ITGA11: variants seen among roughly 807,000 people sequenced by gnomAD.
ITGA11 encodes integrin alpha-11.
In ITGA11, 97 loss-of-function variants were observed where a neutral mutation model predicts 141.9. That is an observed-to-expected ratio of 0.68 (90% confidence interval 0.58 to 0.81). The LOEUF is 0.81. Ranked by LOEUF, ITGA11 falls within the 30% of genes least tolerant of loss-of-function variation. The probability of loss-of-function intolerance (pLI) is 0.00; values close to 1 mark genes in which losing one functional copy is unlikely to be tolerated. For missense variants in ITGA11, 1,387 were observed against 1,559.2 expected (o/e 0.89, Z 1.86); for synonymous variants, 658 against 624.6 (o/e 1.05, Z -0.80).
chr15:68,310,940 G>T, intron 26 of ITGA11, 54 bp downstream of exon 26: 2 of 1,383,358 alleles, frequency 1.4e-6, no homozygotes, highest in Non-Finnish European at 1.0e-6. Flanking sequence ...GCAGAGCACC[G>T]GCGGCACGCC....
chr15:68,375,418 G>T (rs1282322810), intron 2 of ITGA11, among the ~76,000 whole-genome samples: 4 of 152,206 alleles, frequency 2.6e-5, no homozygotes, highest in Admixed American at 2.6e-4. Context: ...GAGTTTGGTG[G>T]CTAATGGGTT....
rs922913933 is a variant in ITGA11 at position 68,411,971 on chromosome 15, C to T, written c.53-8942G>A. On this transcript the variant is annotated intron_variant, in intron 1 of 29. Coordinates refer to ENST00000315757, the MANE Select transcript of ITGA11 (RefSeq NM_001004439.2). ...CCAACCTAGCTGAGGTCAGCACCCC[C>T]AAACTCACAAGCAAGCCCAGTGAGC... Among the ~76,000 whole-genome samples, 3 of 152,046 alleles carry T rather than the reference C, an allele frequency of 2.0e-5. No individual in the cohort carries two copies. The East Asian group carries it at 5.8e-4, about 29-fold the overall frequency.
chr15:68,383,796 T>C (rs1158792804), intron 2 of ITGA11, among the ~76,000 whole-genome samples: 1 of 152,170 alleles, frequency 6.6e-6, no homozygotes, highest in African/African-American at 2.4e-5. Flanking sequence ...TCTCCTTCAC[T>C]GGACTTAGGA....
intron 22 of ITGA11, among the ~76,000 whole-genome samples, chr15:68,314,142 G>A (rs113650185): frequency 0.077 from 11,760 of 152,276 alleles, 628 homozygotes; most frequent in African/African-American, 0.16. Flanking sequence ...GGCACGGACT[G>A]GACCCCAGCC....
rs1480551260 is a variant in ITGA11 at position 68,311,410 on chromosome 15, C to T, written c.2974-7G>A. 6.5e-7 allele frequency: 1 copy of T among 1,543,130 alleles called. No individual in the cohort carries two copies. Among genetic ancestry groups the T allele is most frequent in the East Asian group, 2.4e-5 (1 of 41,438 alleles). ...ACAAGCCCAAGTTCTGGATCTGTGG[C>T]CAGAGACAGGGAGGTGTCAGTACAG... On this transcript the variant is annotated splice_polypyrimidine_tract_variant and splice_region_variant and intron_variant, in intron 24 of 29. Transcript: ENST00000315757.
Position 68,325,367 on chromosome 15 carries a change from G to T in ITGA11, c.2212-126C>A. On this transcript the variant is annotated intron_variant, in intron 17 of 29. Transcript: ENST00000315757. This position sits in a 1 kb window ranked among gnomAD's most constrained non-coding sequence, Gnocchi z 5.5. ...GCAGGGCAGCTGCCCTGTGCCCTCA[G>T]GGTGAGTCTGCAGGTGGATGGAGGT... 1 of 679,424 alleles carries T rather than the reference G, an allele frequency of 1.5e-6. No individual in the cohort carries two copies. Among genetic ancestry groups the T allele is most frequent in the Non-Finnish European group, 2.7e-6 (1 of 374,688 alleles). 42.1% of individuals were successfully genotyped at this position (679,424 alleles called of 1,614,324 possible).
chr15:68,409,134 C>T (rs1896711632), intron 1 of ITGA11, among the ~76,000 whole-genome samples: 1 of 152,114 alleles, frequency 6.6e-6, no homozygotes, highest in Non-Finnish European at 1.5e-5. Flanking sequence ...TTCACCATGC[C>T]TGGAAGGCCT....
intron 2 of ITGA11, among the ~76,000 whole-genome samples, chr15:68,387,527 G>A (rs943822786): frequency 6.6e-6 from 1 of 152,184 alleles, no homozygotes; most frequent in Admixed American, 6.5e-5. Flanking sequence ...AGGGATGCAC[G>A]CTAAGGTTTG....
intron 21 of ITGA11, 84 bp downstream of exon 21, chr15:68,317,181 T>A: frequency 2.2e-6 from 2 of 928,668 alleles, no homozygotes; most frequent in South Asian, 1.3e-5. Context: ...GTGTTCACTC[T>A]TGTTGCTCTT....
chr15:68,331,710 T>G (rs1894162099), intron 14 of ITGA11, 149 bp downstream of exon 14: 1 of 705,114 alleles, frequency 1.4e-6, no homozygotes, highest in South Asian at 1.9e-5. Flanking sequence ...AATTTCCACT[T>G]GGGGAAGCAT....
chr15:68,432,045 C>G lies in ITGA11; in HGVS notation c.22G>C (p.Val8Leu). The G allele has an allele frequency of 7.4e-7, 1 of 1,348,590 alleles. No individual in the cohort carries two copies. The highest frequency in any genetic ancestry group is 2.1e-5 in the South Asian group (1 of 47,484). The allele number at this position is 1,348,590 out of a possible 1,614,324, so 83.5% of individuals were successfully genotyped here. Residue 8 changes from valine to leucine, a missense_variant, in exon 1 of 30, where the codon GTG becomes CTG. Val to Leu is a conservative substitution (Grantham distance 32). Coordinates refer to ENST00000315757, the MANE Select transcript of ITGA11 (RefSeq NM_001004439.2). ...CACAGGCTGAGCGCCCAGGCCACCA[C>G]CAGGCCCCTGGGCAGGTCCATGGCC... MDLPRGL[V>L]VAWALSLWPG... is the part of the protein sequence containing the mutation.
At chr15:68,396,115 C>A (rs933309855) in intron 2 of ITGA11, among the ~76,000 whole-genome samples, 1 of 152,102 alleles carries the variant, frequency 6.6e-6, no homozygotes, top group Admixed American at 6.6e-5. Flanking sequence ...CAATATATCT[C>A]ATGAAACAAA....
chr15:68,345,159 C>T (rs1894704681), intron 10 of ITGA11, among the ~76,000 whole-genome samples: 1 of 152,148 alleles, frequency 6.6e-6, no homozygotes. Flanking sequence ...AGCAGACAGC[C>T]AGCACTAATG....
In ITGA11 at chr15:68,303,125, G is replaced by C; in HGVS notation, c.3501C>G (p.Gly1167=). The C allele has an allele frequency of 6.4e-7, 1 of 1,551,416 alleles. No homozygotes were observed. The change falls in exon 30 of 30, where the codon GGC becomes GGG. Residue 1167 remains glycine, a synonymous_variant. Coordinates refer to ENST00000315757, the MANE Select transcript of ITGA11 (RefSeq NM_001004439.2). The surrounding 1 kb of genome is among the most constrained non-coding windows in gnomAD (Gnocchi z 5.3). The part of the protein sequence containing the change: ...ALLVLALWKL[G]FFRSARRRRE... ...TCCTGCGCCTGGCACTTCTAAAGAAGCCGAGCTGTGAGGAGGCAAAGGGAG... is the reference window on the plus strand; with the variant it reads ...TCCTGCGCCTGGCACTTCTAAAGAACCCGAGCTGTGAGGAGGCAAAGGGAG...
intron 15 of ITGA11, among the ~76,000 whole-genome samples, chr15:68,329,761 C>T (rs1432373508): frequency 6.6e-6 from 1 of 152,246 alleles, no homozygotes; most frequent in East Asian, 1.9e-4. Context: ...GCCACCACCA[C>T]CACCACCAAC....
In ITGA11 at chr15:68,326,784, T is replaced by C. The variant is rs766927079; in HGVS notation, c.2081A>G (p.Asn694Ser). The change falls in exon 17 of 30, where the codon AAC (asparagine) becomes AGC (serine). Residue 694 changes from asparagine to serine, a missense_variant. By Grantham distance (46) the Asn-to-Ser change is conservative. Transcript: ENST00000315757. This position sits in a 1 kb window ranked among gnomAD's most constrained non-coding sequence, Gnocchi z 6.8. ...ATACCGCCTCTCATCCATGGTGGCG[T>C]TGTATCTGATGCCTGCAGGAGGGGA... ...FQTTTVGIRYNATMDERRYTP... is the reference protein window; with the variant it reads ...FQTTTVGIRYSATMDERRYTP... The C allele has an allele frequency of 3.2e-6, 5 of 1,580,498 alleles. No individual in the cohort carries two copies. The highest frequency in any genetic ancestry group is 2.3e-5 in the East Asian group (1 of 43,060).
chr15:68,389,134 C>A (rs1228189082), intron 2 of ITGA11, among the ~76,000 whole-genome samples: 1 of 152,216 alleles, frequency 6.6e-6, no homozygotes, highest in Non-Finnish European at 1.5e-5. Context: ...GGAATCCTAT[C>A]CACCTGGAAG....
intron 12 of ITGA11, 138 bp from the exon 13 acceptor site, chr15:68,332,616 C>T: frequency 1.1e-6 from 1 of 906,410 alleles, no homozygotes; most frequent in South Asian, 1.7e-5. Context: ...CCTCCCTTCT[C>T]ACGCGCTACC....
intron 6 of ITGA11, 42 bp from the exon 7 acceptor site, chr15:68,357,341 T>C (rs768632613): frequency 2.2e-5 from 35 of 1,579,882 alleles, no homozygotes; most frequent in Non-Finnish European, 2.8e-5. Flanking sequence ...TTTGACCCCA[T>C]GAACCCATGA....
Sources: allele counts gnomAD v4.1 joint callset (sites outside exome capture counted in the v4.1 genomes callset), GRCh38; gene constraint gnomAD v4.1.1; non-coding constraint Gnocchi (gnomAD v3.1); transcripts MANE v1.5; gene names NCBI Gene and HGNC (gene_info 2026-07-23, HGNC 2026-07-21).